EPHA5: variants seen among roughly 807,000 people sequenced by gnomAD.
EPHA5 encodes EPH receptor A5.
In EPHA5, 60 loss-of-function variants were observed where a neutral mutation model predicts 105.0. That is an observed-to-expected ratio of 0.57 (90% confidence interval 0.46 to 0.71). EPHA5 has a LOEUF of 0.71. Ranked by LOEUF, EPHA5 falls within the 30% of genes least tolerant of loss-of-function variation. The pLI is 0.00. For missense variants in EPHA5, 1,218 were observed against 1,274.7 expected, an observed-to-expected ratio of 0.96 and a Z score of 0.68; for synonymous variants, 513 against 449.1, an observed-to-expected ratio of 1.14 and a Z score of -1.80.
chr4:65,348,228 A>G (rs1442622422), intron 13 of EPHA5, 25 bp from the exon 14 acceptor site: 8 of 1,602,116 alleles, frequency 5.0e-6, no homozygotes, highest in Non-Finnish European at 6.8e-6. Context: ...GATTTAAAAA[A>G]CTTCCTACAT....
chr4:65,323,919 GA>G lies in EPHA5; in HGVS notation c.*194del. ...TTAATGCAAGATATGTTTGCTTCAT[GA>G]AAAATGAAGACTAAGGACTAAGAAC... On this transcript the variant is annotated 3_prime_UTR_variant, in exon 17 of 17. Transcript: ENST00000613740. 1 of 441,264 alleles carries G rather than the reference GA, an allele frequency of 2.3e-6. No homozygotes were observed. Among genetic ancestry groups the G allele is most frequent in the Non-Finnish European group, 4.1e-6 (1 of 245,242 alleles). 27.3% of individuals were successfully genotyped at this position (441,264 alleles called of 1,614,324 possible). A position where few individuals can be genotyped will look rare whatever the true frequency, so the allele number is the denominator to read the frequency against.
rs995734657 is a variant in EPHA5, at chr4:65,568,478, A to G, written c.910+33163T>C. ...TGGACTATAATTTGATTTTAAATAT[A>G]AATTATACACAAATGTGCAATATAA... is the stretch of plus-strand genomic sequence containing the variant. On this transcript the variant is annotated intron_variant, in intron 3 of 16. Coordinates refer to ENST00000613740, the MANE Select transcript of EPHA5 (RefSeq NM_001281766.3). 1.1e-4 allele frequency among the ~76,000 whole-genome samples: 17 copies of G among 151,502 alleles called. No homozygotes were observed. The East Asian group carries it at 3.3e-3, about 29-fold the overall frequency.
intron 2 of EPHA5, among the ~76,000 whole-genome samples, chr4:65,608,542 G>T (rs879475435): frequency 2.0e-5 from 3 of 151,844 alleles, no homozygotes; most frequent in African/African-American, 7.3e-5. Flanking sequence ...AAATGCCTGG[G>T]AACAGTTTTA....
At chr4:65,427,800 T>C (rs890139541) in intron 5 of EPHA5, among the ~76,000 whole-genome samples, 1 of 152,184 alleles carries the variant, frequency 6.6e-6, no homozygotes, top group Admixed American at 6.5e-5. Context: ...AGTGAATACA[T>C]CTTTGATTTT....
Position 65,495,426 on chromosome 4 carries a change from A to C in EPHA5, c.1028T>G (p.Phe343Cys), listed in dbSNP as rs2149225685. 6.2e-7 allele frequency: 1 copy of C among 1,613,766 alleles called. No homozygotes were observed. Among genetic ancestry groups the C allele is most frequent in the Non-Finnish European group, 8.5e-7 (1 of 1,179,774 alleles). ...STSCVCEKDYFRRESDPPTMA... is the reference protein window; with the variant it reads ...STSCVCEKDYCRRESDPPTMA... The stretch of plus-strand genomic sequence containing the variant: ...TGTGGGTGGATCAGACTCTCTCCTG[A>C]AATAATCCTTTTCACAGACACAAGA... The change falls in exon 4 of 17, where the codon TTC becomes TGC. Residue 343 changes from phenylalanine (F) to cysteine (C), a missense_variant. By Grantham distance (205) the Phe-to-Cys change is radical. Around this residue, in one of 3 missense-constraint regions of EPHA5, gnomAD observed 971 missense variants for 1,013.5 expected, o/e 0.96. Transcript: ENST00000613740.
intron 8 of EPHA5, among the ~76,000 whole-genome samples, chr4:65,402,952 G>A (rs777365229): frequency 2.6e-5 from 4 of 152,066 alleles, no homozygotes; most frequent in Non-Finnish European, 4.4e-5. Flanking sequence ...GAAATCAGTG[G>A]GGCACTAGAT....
intron 3 of EPHA5, among the ~76,000 whole-genome samples, chr4:65,519,377 T>C (rs985935591): frequency 1.3e-5 from 2 of 151,974 alleles, no homozygotes; most frequent in African/African-American, 2.4e-5. Context: ...AGGATGTATC[T>C]CAAAATAATA....
At chr4:65,393,331 T>C (rs868550069) in intron 8 of EPHA5, among the ~76,000 whole-genome samples, 4 of 152,282 alleles carry the variant, frequency 2.6e-5, no homozygotes, top group Middle Eastern at 3.4e-3. Context: ...GTGCTACTGA[T>C]TGACTTACTC....
At chr4:65,573,354 T>C (rs1740417775) in intron 3 of EPHA5, 2 of 619,888 alleles carry the variant, frequency 3.2e-6, no homozygotes, top group African/African-American at 2.2e-5. Flanking sequence ...GAGCTTGCAA[T>C]GAGCTGAGAT....
At chr4:65,574,191 G>T in intron 3 of EPHA5, 1 of 1,604,888 alleles carries the variant, frequency 6.2e-7, no homozygotes, top group African/African-American at 1.3e-5. Context: ...TGAGATTACG[G>T]AGCAGCGCAA....
At chr4:65,496,669 G>T (rs1731974639) in intron 3 of EPHA5, among the ~76,000 whole-genome samples, 1 of 151,816 alleles carries the variant, frequency 6.6e-6, no homozygotes, top group Non-Finnish European at 1.5e-5. Context: ...TTGCTATTGT[G>T]AATAATGCCG....
chr4:65,517,988 A>T (rs895062035), intron 3 of EPHA5, among the ~76,000 whole-genome samples: 1 of 151,996 alleles, frequency 6.6e-6, no homozygotes, highest in Non-Finnish European at 1.5e-5. Context: ...ATATTAAAAG[A>T]TTAATTTTTG....
intron 2 of EPHA5, among the ~76,000 whole-genome samples, chr4:65,640,147 C>G (rs1201129359): frequency 6.6e-6 from 1 of 152,110 alleles, no homozygotes; most frequent in East Asian, 1.9e-4. Context: ...TGTGACAACT[C>G]TGAAAATTAG....
intron 8 of EPHA5, among the ~76,000 whole-genome samples, chr4:65,397,537 A>C (rs1250055635): frequency 6.6e-6 from 1 of 152,022 alleles, no homozygotes; most frequent in Admixed American, 6.6e-5. Context: ...ACAAGACTTA[A>C]TTTTTTTGAC....
chr4:65,417,044 A>T (rs977402963), intron 6 of EPHA5, among the ~76,000 whole-genome samples: 16 of 152,294 alleles, frequency 1.1e-4, no homozygotes, highest in Non-Finnish European at 1.3e-4. Context: ...CTTAGCAAAC[A>T]CTGTTCACAT....
At chr4:65,343,825 T>A (rs1721962730) in intron 14 of EPHA5, among the ~76,000 whole-genome samples, 2 of 149,848 alleles carry the variant, frequency 1.3e-5, no homozygotes, top group Admixed American at 1.3e-4. Flanking sequence ...TTTAAATTCT[T>A]AGAAAACCAA....
At position 65,320,949 on chromosome 4, in the gene EPHA5, C is replaced by T; in HGVS notation, c.*3165G>A. 2 of 230,268 alleles carry T rather than the reference C, an allele frequency of 8.7e-6. No individual in the cohort carries two copies. Among genetic ancestry groups the T allele is most frequent in the Non-Finnish European group, 8.6e-6 (1 of 116,150 alleles). 14.3% of individuals were successfully genotyped at this position (230,268 alleles called of 1,614,324 possible). The stretch of plus-strand genomic sequence containing the variant: ...AACACAAGAAATAAAAGATCATGCA[C>T]ATTACAATTTTAAAACATAGGAAAA... On this transcript the variant is annotated 3_prime_UTR_variant, in exon 17 of 17. Coordinates refer to ENST00000613740, the MANE Select transcript of EPHA5 (RefSeq NM_001281766.3).
At chr4:65,582,699 GC>G (rs1440382235) in intron 3 of EPHA5, among the ~76,000 whole-genome samples, 1 of 151,566 alleles carries the variant, frequency 6.6e-6, no homozygotes, top group Non-Finnish European at 1.5e-5. Context: ...CAACTTACTT[GC>G]AGCTGTGTTG....
intron 5 of EPHA5, among the ~76,000 whole-genome samples, chr4:65,429,528 C>T (rs980505018): frequency 1.3e-5 from 2 of 151,978 alleles, no homozygotes; most frequent in African/African-American, 2.4e-5. Flanking sequence ...AAAATTTTCA[C>T]AATTTAAACC....
Sources: allele counts gnomAD v4.1 joint callset (sites outside exome capture counted in the v4.1 genomes callset), GRCh38; gene constraint gnomAD v4.1.1; regional missense constraint gnomAD v4.1.1; transcripts MANE v1.5; gene names NCBI Gene and HGNC (gene_info 2026-07-23, HGNC 2026-07-21).